Variants in MYO5B observed in about 807,000 individuals in gnomAD.
MYO5B encodes the protein myosin VB.
MYO5B carries 143 observed loss-of-function variants against 229.3 expected under a neutral mutation model. The ratio of observed to expected loss-of-function variants is 0.62; its 90% confidence interval spans 0.54 to 0.72. MYO5B has a LOEUF of 0.72. Among genes scored for constraint, MYO5B ranks in the 30% least tolerant of loss-of-function variants. The pLI is 0.00. For missense variants in MYO5B, 2,321 were observed against 2,331.0 expected (o/e 1.00, Z 0.09); for synonymous variants, 918 against 885.2 (o/e 1.04, Z -0.66).
intron 27 of MYO5B, among the ~76,000 whole-genome samples, chr18:49,865,357 G>A (rs2024384291): frequency 6.6e-6 from 1 of 152,196 alleles, no homozygotes; most frequent in African/African-American, 2.4e-5. Flanking sequence ...ATTTCCAGAA[G>A]ATTTAGAACC....
At chr18:50,190,057 T>C (rs1401963252) in intron 1 of MYO5B, among the ~76,000 whole-genome samples, 1 of 152,188 alleles carries the variant, frequency 6.6e-6, no homozygotes, top group Non-Finnish European at 1.5e-5. Context: ...TTGAAGGCAC[T>C]GGTTTCAAGG....
chr18:49,837,705 G>T lies in MYO5B; in HGVS notation c.4950C>A (p.Asn1650Lys), dbSNP rs1194010044. ...KRSSSMADGD[N>K]SYCLEAIIRQ... ...GGATGATAGCTTCCAGGCAGTATGA[G>T]TTATCCCCATCTGCCATGCTGGAGG... Residue 1650 changes from asparagine (N) to lysine (K), a missense_variant, in exon 37 of 40, where the codon AAC becomes AAA. Transcript: ENST00000285039. The T allele has an allele frequency of 6.2e-7, 1 of 1,614,216 alleles. No individual in the cohort carries two copies.
intron 18 of MYO5B, among the ~76,000 whole-genome samples, chr18:49,910,235 T>A (rs2024942932): frequency 6.6e-6 from 1 of 152,150 alleles, no homozygotes; most frequent in Non-Finnish European, 1.5e-5. Context: ...GAGAGCCCAG[T>A]GTGGGGGCCG....
chr18:49,918,779 C>A (rs531786599), intron 17 of MYO5B, among the ~76,000 whole-genome samples: 2 of 152,282 alleles, frequency 1.3e-5, no homozygotes, highest in South Asian at 4.2e-4. Flanking sequence ...ATTATGCCAC[C>A]AAGCAACATA....
At chr18:50,001,160 G>GCGTGAAGGCTGC in intron 5 of MYO5B, 95 bp downstream of exon 5, 1 of 1,486,212 alleles carries the variant, frequency 6.7e-7, no homozygotes, top group Non-Finnish European at 9.4e-7. Context: ...TCAGGGAGAG[G>GCGTGAAGGCTGC]CGTGAAGGCT....
intron 1 of MYO5B, among the ~76,000 whole-genome samples, chr18:50,128,961 C>T (rs772340375): frequency 6.6e-6 from 1 of 152,218 alleles, no homozygotes; most frequent in Non-Finnish European, 1.5e-5. Context: ...CAGAGGATCA[C>T]CTTCACAAAA....
chr18:50,037,902 GAGA>G (rs979748186), intron 3 of MYO5B, among the ~76,000 whole-genome samples: 12 of 151,974 alleles, frequency 7.9e-5, no homozygotes, highest in African/African-American at 2.9e-4. Flanking sequence ...AAAAAAAAAA[GAGA>G]ACACTTAAGA....
rs1045475703 is a variant in MYO5B, at chr18:50,124,233, G to C, written c.28-68855C>G. Reference sequence around the variant, plus strand: ...ACAGTGCAGAGAGGTTCTGGTAACTGAACATTTTATTCTCGAAGCTTTATA... The same window carrying C: ...ACAGTGCAGAGAGGTTCTGGTAACTCAACATTTTATTCTCGAAGCTTTATA... On this transcript the variant is annotated intron_variant, in intron 1 of 39. Transcript: ENST00000285039. 3.3e-5 allele frequency among the ~76,000 whole-genome samples: 5 copies of C among 152,196 alleles called. 1 individual carries two copies. The South Asian group carries it at 1.0e-3, about 32-fold the overall frequency.
chr18:49,894,985 TC>T lies in MYO5B; in HGVS notation c.3000del (p.Ile1001SerfsTer13), dbSNP rs2024761218. On this transcript the variant is annotated frameshift_variant, in exon 22 of 40. Transcript: ENST00000285039. LOFTEE classifies it high-confidence loss of function. ...TELQRAHSER[K>X]ILEDAHSREK... ...TCCCTGCTGTGGGCGTCCTCCAAGA[TC>T]TTGCGCTCCGAGTGGGCCCTCTGCA... is the stretch of plus-strand genomic sequence containing the variant. 1 of 1,613,674 alleles carries T rather than the reference TC, an allele frequency of 6.2e-7. No homozygotes were observed. The highest frequency in any genetic ancestry group is 8.5e-7 in the Non-Finnish European group (1 of 1,180,050).
intron 4 of MYO5B, among the ~76,000 whole-genome samples, chr18:50,024,045 C>T (rs1006540138): frequency 6.6e-6 from 1 of 152,170 alleles, no homozygotes; most frequent in Non-Finnish European, 1.5e-5. Flanking sequence ...CAACCCCATA[C>T]AGGCAGGAAG....
At chr18:49,961,830 G>C (rs2025562875) in intron 12 of MYO5B, among the ~76,000 whole-genome samples, 1 of 152,156 alleles carries the variant, frequency 6.6e-6, no homozygotes, top group Non-Finnish European at 1.5e-5. Flanking sequence ...AAACCAGATG[G>C]GGAAATTATG....
chr18:49,875,726 C>A lies in MYO5B; in HGVS notation c.3498G>T (p.Gln1166His). Residue 1166 changes from glutamine (Q) to histidine (H), a missense_variant, in exon 26 of 40, where the codon CAG (glutamine) becomes CAT (histidine). Coordinates refer to ENST00000285039, the MANE Select transcript of MYO5B (RefSeq NM_001080467.3). ...TGTCCTGCTGTTCTCTCTTCTCCAG[C>A]TGCACTTGCAGCTTTTTCCTCTCCT... The part of the protein sequence containing the change: ...LEQERKKLQV[Q>H]LEKREQQDSK... 6.2e-7 allele frequency: 1 copy of A among 1,614,158 alleles called. No individual in the cohort carries two copies. Among genetic ancestry groups the A allele is most frequent in the Non-Finnish European group, 8.5e-7 (1 of 1,180,016 alleles).
chr18:50,055,367 G>T lies in MYO5B; in HGVS notation c.39C>A (p.Val13=), dbSNP rs762133298. 17 of 1,613,492 alleles carry T rather than the reference G, an allele frequency of 1.1e-5. No individual in the cohort carries two copies. The South Asian group carries it at 1.8e-4, about 17-fold the overall frequency. The part of the protein sequence containing the change: ...VGELYSQCTR[V]WIPDPDEVWR... ...ATACCTCATCAGGGTCAGGGATCCA[G>T]ACCCTTGTGCACTGAAAGATTAAAA... is the stretch of plus-strand genomic sequence containing the variant. Residue 13 remains valine (V), a synonymous_variant, in exon 2 of 40, where the codon GTC becomes GTA. Transcript: ENST00000285039.
intron 2 of MYO5B, among the ~76,000 whole-genome samples, chr18:50,045,135 C>T (rs2030187027): frequency 1.3e-5 from 2 of 152,110 alleles, no homozygotes; most frequent in Admixed American, 1.3e-4. Flanking sequence ...CAACAGAACT[C>T]AGTTTTGTAT....
At chr18:50,089,575 C>CA (rs570849955) in intron 1 of MYO5B, among the ~76,000 whole-genome samples, 2,415 of 123,884 alleles carry the variant, frequency 0.019, 47 homozygotes, top group African/African-American at 0.055. Flanking sequence ...TCATCTCTAC[C>CA]AAAAAAAAAA....
At chr18:50,133,767 C>A (rs912820925) in intron 1 of MYO5B, among the ~76,000 whole-genome samples, 3 of 152,190 alleles carry the variant, frequency 2.0e-5, no homozygotes, top group African/African-American at 7.2e-5. Flanking sequence ...CCCCTCCCAC[C>A]TCCAGGAGCC....
At chr18:50,044,432 G>A (rs2030163058) in intron 2 of MYO5B, among the ~76,000 whole-genome samples, 1 of 152,114 alleles carries the variant, frequency 6.6e-6, no homozygotes, top group South Asian at 2.1e-4. Context: ...GCCTTTAGAG[G>A]TGAAAAGGAG....
chr18:49,848,119 C>T (rs923826700), intron 32 of MYO5B, among the ~76,000 whole-genome samples: 4 of 152,228 alleles, frequency 2.6e-5, no homozygotes, highest in African/African-American at 7.2e-5. Context: ...AGCACGGGAA[C>T]AGATACAATG....
chr18:49,953,208 A>C, intron 14 of MYO5B, 52 bp downstream of exon 14: 1 of 1,547,440 alleles, frequency 6.5e-7, no homozygotes, highest in Non-Finnish European at 8.9e-7. Context: ...CTCCCTGTCC[A>C]GCACTGGCCG....
Sources: allele counts gnomAD v4.1 joint callset (sites outside exome capture counted in the v4.1 genomes callset), GRCh38; gene constraint gnomAD v4.1.1; transcripts MANE v1.5; gene names NCBI Gene and HGNC (gene_info 2026-07-23, HGNC 2026-07-21).